COL4A2: variants seen among roughly 807,000 people sequenced by gnomAD.
The protein encoded by COL4A2 is collagen alpha-2(IV) chain.
COL4A2 carries 99 observed loss-of-function variants against 200.2 expected under a neutral mutation model. The ratio of observed to expected loss-of-function variants is 0.49; its 90% CI spans 0.42 to 0.58. The LOEUF (loss-of-function observed/expected upper bound fraction) is 0.58. Among genes scored for constraint, COL4A2 ranks in the 20% least tolerant of loss-of-function variants. The pLI is 0.00. For missense variants in COL4A2, 1,950 were observed against 2,314.1 expected (o/e 0.84, Z 3.23); for synonymous variants, 897 against 900.6 (o/e 1.00, Z 0.07).
chr13:110,446,884 T>C lies in COL4A2; in HGVS notation c.1078+20T>C. ...CAAAAGGTGTGTGAACAATTTCACC[T>C]GCATAGTTCAGCATCGCATACACAT... On this transcript the variant is annotated intron_variant, in intron 18 of 47. Coordinates refer to ENST00000360467, the MANE Select transcript of COL4A2 (RefSeq NM_001846.4). The C allele has an allele frequency of 6.2e-7, 1 of 1,603,940 alleles. No individual in the cohort carries two copies. Among genetic ancestry groups the C allele is most frequent in the Non-Finnish European group, 8.5e-7 (1 of 1,171,424 alleles).
Position 110,317,298 on chromosome 13 carries a change from A to G in COL4A2, c.99+9175A>G, listed in dbSNP as rs533572066. Among the ~76,000 whole-genome samples the G allele has an allele frequency of 5.1e-3, 772 of 152,176 alleles. 3 individuals are homozygous for G. Among genetic ancestry groups the G allele is most frequent in the Non-Finnish European group, 7.9e-3 (535 of 67,994 alleles). On this transcript the variant is annotated intron_variant, in intron 3 of 47. Transcript: ENST00000360467. Reference sequence around the variant, plus strand: ...CACACAGATGCACACACACACGCACATACACATAGATGCAAATACACAGAG... The same window carrying G: ...CACACAGATGCACACACACACGCACGTACACATAGATGCAAATACACAGAG...
At position 110,437,983 on chromosome 13, in the gene COL4A2, T is replaced by C; in HGVS notation, c.826-19T>C. 2 of 1,608,792 alleles carry C rather than the reference T, an allele frequency of 1.2e-6. No individual in the cohort carries two copies. Among genetic ancestry groups the C allele is most frequent in the Non-Finnish European group, 8.5e-7 (1 of 1,175,616 alleles). On this transcript the variant is annotated intron_variant, in intron 13 of 47. Transcript: ENST00000360467. ...TCCTCAAATTAATAAGCGTTTCTTA[T>C]TTTTCATATTCTTCACAGGGTGAAA...
intron 15 of COL4A2, among the ~76,000 whole-genome samples, chr13:110,438,929 C>T (rs1881019472): frequency 6.6e-6 from 1 of 152,164 alleles, no homozygotes; most frequent in Non-Finnish European, 1.5e-5. Context: ...GCAGACGCGG[C>T]CCTCCCCGTG....
At chr13:110,443,406 C>T (rs1267956975) in intron 16 of COL4A2, among the ~76,000 whole-genome samples, 1 of 152,236 alleles carries the variant, frequency 6.6e-6, no homozygotes, top group Non-Finnish European at 1.5e-5. Flanking sequence ...ACATTCTTTT[C>T]ATCTGTTTGT....
chr13:110,350,362 G>T (rs1397210133), intron 3 of COL4A2, among the ~76,000 whole-genome samples: 1 of 152,198 alleles, frequency 6.6e-6, no homozygotes, highest in African/African-American at 2.4e-5. Flanking sequence ...AAGAGCTCTA[G>T]AAGGATATTT....
At position 110,462,135 on chromosome 13, in the gene COL4A2, G is replaced by C; in HGVS notation, c.1618G>C (p.Ala540Pro). ...GLKGVPGNIG[A>P]PGPKGAKGDS... Reference sequence around the variant, plus strand: ...ACAGGGAGTGCCTGGCAACATTGGTGCTCCCGGACCCAAAGGAGCAAAAGG... The same window carrying C: ...ACAGGGAGTGCCTGGCAACATTGGTCCTCCCGGACCCAAAGGAGCAAAAGG... The change falls in exon 23 of 48, where the codon GCT (alanine) becomes CCT (proline). Residue 540 changes from alanine to proline, a missense_variant. Around this residue, in one of 2 missense-constraint regions of COL4A2, gnomAD observed 1,385 missense variants for 1,720.5 expected, o/e 0.80. Coordinates refer to ENST00000360467, the MANE Select transcript of COL4A2 (RefSeq NM_001846.4). 6.2e-7 allele frequency: 1 copy of C among 1,614,248 alleles called. No homozygotes were observed.
chr13:110,507,274 G>A (rs1883919175), intron 46 of COL4A2, among the ~76,000 whole-genome samples: 1 of 152,086 alleles, frequency 6.6e-6, no homozygotes, highest in Admixed American at 6.5e-5. Context: ...TCCTGCCTGT[G>A]CGCCCCGCCT....
At position 110,362,795 on chromosome 13, in the gene COL4A2, G is replaced by A. The variant is rs375172437; in HGVS notation, c.180+5243G>A. Reference sequence around the variant, plus strand: ...GCAGTAGAGGGGCAGATAGGAAATCGGAGTCAACAAATAAGACAGCTTTGC... The same window carrying A: ...GCAGTAGAGGGGCAGATAGGAAATCAGAGTCAACAAATAAGACAGCTTTGC... On this transcript the variant is annotated intron_variant, in intron 4 of 47. Coordinates refer to ENST00000360467, the MANE Select transcript of COL4A2 (RefSeq NM_001846.4). Among the ~76,000 whole-genome samples, 211 of 152,230 alleles carry A rather than the reference G, an allele frequency of 1.4e-3. 1 individual carries two copies. Among genetic ancestry groups the A allele is most frequent in the African/African-American group, 4.8e-3 (198 of 41,534 alleles).
intron 4 of COL4A2, among the ~76,000 whole-genome samples, chr13:110,367,024 C>G (rs576482440): frequency 6.6e-6 from 1 of 152,260 alleles, no homozygotes; most frequent in South Asian, 2.1e-4. Context: ...TTAGAAAGAT[C>G]AAAACACCCC....
intron 3 of COL4A2, among the ~76,000 whole-genome samples, chr13:110,312,523 A>G (rs1280598510): frequency 6.6e-6 from 1 of 152,262 alleles, no homozygotes; most frequent in Non-Finnish European, 1.5e-5. Context: ...TGCCATGGAG[A>G]TTTAACTTTT....
At chr13:110,432,451 G>T in intron 11 of COL4A2, 91 bp downstream of exon 11, 1 of 1,438,540 alleles carries the variant, frequency 7.0e-7, no homozygotes, top group Admixed American at 2.7e-5. Flanking sequence ...TTCTTGGTTG[G>T]CAACTATTTA....
chr13:110,381,915 G>T (rs1439077032), intron 4 of COL4A2, among the ~76,000 whole-genome samples: 7 of 151,990 alleles, frequency 4.6e-5, no homozygotes, highest in Non-Finnish European at 1.0e-4. Context: ...TTTTTCTGCT[G>T]GATTTCATTT....
rs1319208024 is a variant in COL4A2, at chr13:110,367,747, G to A, written c.180+10195G>A. The stretch of plus-strand genomic sequence containing the variant: ...AAAATTAACAGAATCCTATGAGCCT[G>A]GAGGAAGCAGTTCACTTTTGTTTGT... On this transcript the variant is annotated intron_variant, in intron 4 of 47. Coordinates refer to ENST00000360467, the MANE Select transcript of COL4A2 (RefSeq NM_001846.4). 3.3e-5 allele frequency among the ~76,000 whole-genome samples: 5 copies of A among 152,340 alleles called. No homozygotes were observed. In the East Asian group the frequency reaches 7.7e-4, roughly 23 times the overall value.
At chr13:110,449,633 G>T in intron 18 of COL4A2, 46 bp from the exon 19 acceptor site, 1 of 1,495,106 alleles carries the variant, frequency 6.7e-7, no homozygotes, top group African/African-American at 1.4e-5. Flanking sequence ...GCTGCGATCC[G>T]TAGACCACGG....
Position 110,508,183 on chromosome 13 carries a change from G to A in COL4A2, c.4843G>A (p.Gly1615Arg). 1 of 1,614,246 alleles carries A rather than the reference G, an allele frequency of 6.2e-7. No individual in the cohort carries two copies. ...QDVSIPHCPA[G>R]WRSLWIGYSF... ...TGTCTCCATCCCACACTGCCCAGCT[G>A]GGTGGCGGAGTTTGTGGATCGGATA... The change falls in exon 47 of 48, where the codon GGG (glycine) becomes AGG (arginine). Residue 1615 changes from glycine to arginine, a missense_variant. Gly to Arg is a moderately radical substitution (Grantham distance 125, BLOSUM62 -2). This residue lies in a region of COL4A2 where 1,385 missense variants were observed against 1,720.5 expected (regional missense o/e 0.80). Coordinates refer to ENST00000360467, the MANE Select transcript of COL4A2 (RefSeq NM_001846.4). The surrounding 1 kb of genome is among the most constrained non-coding windows in gnomAD (Gnocchi z 6.1).
intron 3 of COL4A2, among the ~76,000 whole-genome samples, chr13:110,350,229 G>A (rs9559775): frequency 0.078 from 11,881 of 152,214 alleles, 798 homozygotes; most frequent in East Asian, 0.3. Flanking sequence ...TGTAATCTAA[G>A]GTTTCTGGAA....
chr13:110,470,436 G>A (rs796879188), intron 28 of COL4A2, among the ~76,000 whole-genome samples: 3 of 152,232 alleles, frequency 2.0e-5, no homozygotes, highest in African/African-American at 7.2e-5. Flanking sequence ...TTCTCACCGG[G>A]CTGTTCCTGA....
intron 25 of COL4A2, 59 bp from the exon 26 acceptor site, chr13:110,465,944 G>A (rs760090108): frequency 4.0e-5 from 64 of 1,588,358 alleles, no homozygotes; most frequent in Non-Finnish European, 4.9e-5. Context: ...CCCCAGACGA[G>A]CCAGTAACTC....
Position 110,512,235 on chromosome 13 carries a change from C to CTT in COL4A2, c.*45_*46dup, listed in dbSNP as rs1399584359. 1 of 1,556,416 alleles carries CTT rather than the reference C, an allele frequency of 6.4e-7. No homozygotes were observed. ...GGGCCATTTTGGTGCTTATTCTTAA[C>CTT]TTATTACCTCAGGTGCCAACCCAAA... is the stretch of plus-strand genomic sequence containing the variant. On this transcript the variant is annotated 3_prime_UTR_variant, in exon 48 of 48. Transcript: ENST00000360467.
Sources: gnomAD v4.1 joint callset for allele counts (sites outside exome capture counted in the v4.1 genomes callset) on GRCh38, gnomAD v4.1.1 for gene constraint, gnomAD v4.1.1 regional missense constraint, Gnocchi (gnomAD v3.1) non-coding constraint, MANE v1.5 for transcripts, NCBI Gene and HGNC (gene_info 2026-07-23, HGNC 2026-07-21) for gene names.